The following DNAJC12 variants were observed in gnomAD, a reference collection of about 807,000 sequenced individuals.
DNAJC12 encodes the protein DnaJ heat shock protein family (Hsp40) member C12, also known as dnaJ homolog subfamily C member 12.
In DNAJC12, 25 loss-of-function variants were observed where a neutral mutation model predicts 28.5. The observed-to-expected ratio is 0.88, with a 90% CI of 0.64 to 1.22. The LOEUF (loss-of-function observed/expected upper bound fraction) is 1.22, where lower values mean the gene tolerates loss of function less well. Among genes scored for constraint, DNAJC12 ranks in the 50% most tolerant of loss-of-function variants. DNAJC12 has a pLI of 0.00. For missense variants in DNAJC12, 222 were observed against 231.7 expected (o/e 0.96, Z 0.27); for synonymous variants, 77 against 80.6 (o/e 0.95, Z 0.24).
At chr10:67,817,543 T>C (rs1841927819) in intron 2 of DNAJC12, among the ~76,000 whole-genome samples, 1 of 152,212 alleles carries the variant, frequency 6.6e-6, no homozygotes, top group Admixed American at 6.5e-5. Flanking sequence ...ACATTCTGAA[T>C]TTCTGTCAAG....
At chr10:67,809,946 C>A (rs1841842587) in intron 3 of DNAJC12, among the ~76,000 whole-genome samples, 1 of 152,112 alleles carries the variant, frequency 6.6e-6, no homozygotes, top group Non-Finnish European at 1.5e-5. Flanking sequence ...CACCACCATA[C>A]AATTCATCCA....
At chr10:67,818,732 C>G (rs1028867378) in intron 2 of DNAJC12, among the ~76,000 whole-genome samples, 1 of 151,978 alleles carries the variant, frequency 6.6e-6, no homozygotes, top group Non-Finnish European at 1.5e-5. Context: ...TCTCGGCTCA[C>G]TGCAACATCT....
chr10:67,829,226 CAG>C (rs1842067097), intron 1 of DNAJC12, among the ~76,000 whole-genome samples: 1 of 152,144 alleles, frequency 6.6e-6, no homozygotes, highest in African/African-American at 2.4e-5. Context: ...AACAAAGAGA[CAG>C]AGAAGCAGTC....
intron 3 of DNAJC12, among the ~76,000 whole-genome samples, chr10:67,809,716 T>C (rs1177984681): frequency 6.6e-6 from 1 of 152,184 alleles, no homozygotes; most frequent in African/African-American, 2.4e-5. Flanking sequence ...AGGCCATTGT[T>C]CTAAGTGAAG....
chr10:67,799,561 TAGTA>T (rs529756660), intron 4 of DNAJC12, among the ~76,000 whole-genome samples: 2 of 152,186 alleles, frequency 1.3e-5, no homozygotes, highest in Non-Finnish European at 2.9e-5. Context: ...ACATTTTATA[TAGTA>T]AGTAAGTGTC....
At chr10:67,814,898 G>A (rs1841898200) in intron 2 of DNAJC12, among the ~76,000 whole-genome samples, 1 of 152,174 alleles carries the variant, frequency 6.6e-6, no homozygotes, top group South Asian at 2.1e-4. Context: ...CACATGACAG[G>A]TGGGAATGTA....
At chr10:67,825,756 GA>G (rs1233944487) in intron 1 of DNAJC12, among the ~76,000 whole-genome samples, 2 of 52,636 alleles carry the variant, frequency 3.8e-5, no homozygotes, top group Admixed American at 4.1e-4. Flanking sequence ...ATAAAACCCA[GA>G]CTAATAACTC....
At chr10:67,836,411 G>A (rs1472159608) in intron 1 of DNAJC12, among the ~76,000 whole-genome samples, 2 of 151,144 alleles carry the variant, frequency 1.3e-5, no homozygotes, top group African/African-American at 4.9e-5. Context: ...CAAGATTATG[G>A]AGATATAATG....
chr10:67,829,631 A>T (rs1400684127), intron 1 of DNAJC12, among the ~76,000 whole-genome samples: 2 of 152,078 alleles, frequency 1.3e-5, no homozygotes, highest in African/African-American at 4.8e-5. Flanking sequence ...ACAGAGTGAG[A>T]CTCCGTCTCA....
At chr10:67,815,277 G>A (rs1396843128) in intron 2 of DNAJC12, among the ~76,000 whole-genome samples, 1 of 152,184 alleles carries the variant, frequency 6.6e-6, no homozygotes, top group African/African-American at 2.4e-5. Flanking sequence ...GGGAGGCCAA[G>A]GTGGGCGGAT....
chr10:67,823,321 G>A lies in DNAJC12; in HGVS notation c.150C>T (p.Pro50=). 1 of 1,613,928 alleles carries A rather than the reference G, an allele frequency of 6.2e-7. No individual in the cohort carries two copies. Among genetic ancestry groups the A allele is most frequent in the Non-Finnish European group, 8.5e-7 (1 of 1,179,902 alleles). ...ECHPDKHPEN[P]KAVETFQKLQ... ...CCTTTATTAAGTTCTTACCAGCTTT[G>A]GGGTTTTCAGGATGCTTGTCTGGGT... is the stretch of plus-strand genomic sequence containing the variant. Residue 50 remains proline, a synonymous_variant, in exon 2 of 5, where the codon CCC becomes CCT. Transcript: ENST00000225171.
At chr10:67,829,015 G>A (rs1010179874) in intron 1 of DNAJC12, among the ~76,000 whole-genome samples, 2 of 152,062 alleles carry the variant, frequency 1.3e-5, no homozygotes, top group Non-Finnish European at 2.9e-5. Flanking sequence ...GAGGTGGGGG[G>A]AAAGTCTCTG....
chr10:67,804,853 G>A (rs1841782677), intron 4 of DNAJC12, among the ~76,000 whole-genome samples: 1 of 152,046 alleles, frequency 6.6e-6, no homozygotes, highest in Non-Finnish European at 1.5e-5. Flanking sequence ...CCAACATGAT[G>A]AAACCCCATC....
intron 1 of DNAJC12, among the ~76,000 whole-genome samples, chr10:67,825,813 G>A (rs1842024132): frequency 6.6e-6 from 1 of 152,082 alleles, no homozygotes; most frequent in African/African-American, 2.4e-5. Flanking sequence ...CGAATAATAG[G>A]AAAAGATGAC....
intron 4 of DNAJC12, among the ~76,000 whole-genome samples, chr10:67,799,667 A>C (rs920281484): frequency 2.6e-5 from 4 of 151,780 alleles, no homozygotes; most frequent in Non-Finnish European, 4.4e-5. Context: ...GGCAGATCAC[A>C]AGGTTGGGAA....
chr10:67,830,329 C>T (rs1237617074), intron 1 of DNAJC12, among the ~76,000 whole-genome samples: 3 of 133,470 alleles, frequency 2.2e-5, no homozygotes, highest in Non-Finnish European at 4.8e-5. Flanking sequence ...AATAAATAGG[C>T]CGGGCGCTGT....
At chr10:67,810,798 A>G (rs1047301550) in intron 3 of DNAJC12, 1 of 152,200 alleles carries the variant, frequency 6.6e-6, no homozygotes, top group South Asian at 2.1e-4. Flanking sequence ...CACTAATTCT[A>G]ACAACTGTCC....
chr10:67,833,502 G>C (rs1290245671), intron 1 of DNAJC12, among the ~76,000 whole-genome samples: 1 of 151,912 alleles, frequency 6.6e-6, no homozygotes, highest in African/African-American at 2.4e-5. Flanking sequence ...CTAAATGTTA[G>C]TGCCTCCTTA....
At chr10:67,831,489 C>A (rs563915874) in intron 1 of DNAJC12, among the ~76,000 whole-genome samples, 5 of 152,252 alleles carry the variant, frequency 3.3e-5, no homozygotes, top group African/African-American at 1.2e-4. Context: ...TAATCCAATT[C>A]CCACTTGGAT....
Sources: allele counts gnomAD v4.1 joint callset (sites outside exome capture counted in the v4.1 genomes callset), GRCh38; gene constraint gnomAD v4.1.1; transcripts MANE v1.5; gene names NCBI Gene and HGNC (gene_info 2026-07-23, HGNC 2026-07-21).